EXOC4: variants seen among roughly 807,000 people sequenced by gnomAD.
The protein encoded by EXOC4 is SEC8-like 1.
EXOC4 carries 71 observed loss-of-function variants against 107.2 expected under a neutral mutation model. The observed-to-expected ratio is 0.66, with a 90% CI of 0.55 to 0.81. EXOC4 has a LOEUF of 0.81. Among genes scored for constraint, EXOC4 ranks in the 30% least tolerant of loss-of-function variants. The probability of loss-of-function intolerance (pLI) is 0.00; values close to 1 mark genes in which losing one functional copy is unlikely to be tolerated. For missense variants in EXOC4, 1,108 were observed against 1,189.6 expected, an observed-to-expected ratio of 0.93 and a Z score of 1.01; for synonymous variants, 456 against 441.2, an observed-to-expected ratio of 1.03 and a Z score of -0.42.
At chr7:134,054,906 T>C (rs1795887235) in intron 17 of EXOC4, among the ~76,000 whole-genome samples, 1 of 152,216 alleles carries the variant, frequency 6.6e-6, no homozygotes, top group Non-Finnish European at 1.5e-5. Context: ...AGCTCCTTTC[T>C]AGTTAGTCTA....
At position 133,666,597 on chromosome 7, in the gene EXOC4, A is replaced by G. The variant is rs150470944; in HGVS notation, c.1514+36456A>G. Among the ~76,000 whole-genome samples, 284 of 152,284 alleles carry G rather than the reference A, an allele frequency of 1.9e-3. 1 individual carries two copies. The highest frequency in any genetic ancestry group is 6.4e-3 in the African/African-American group (265 of 41,568). ...ATGCAGTTTATAAGCAACTAGAACC[A>G]TTACTGTCAGCTTTTTGGTAGCTGG... is the stretch of plus-strand genomic sequence containing the variant. On this transcript the variant is annotated intron_variant, in intron 10 of 17. Coordinates refer to ENST00000253861, the MANE Select transcript of EXOC4 (RefSeq NM_021807.4).
At chr7:133,376,410 A>C (rs564576951) in intron 7 of EXOC4, among the ~76,000 whole-genome samples, 2 of 152,340 alleles carry the variant, frequency 1.3e-5, no homozygotes, top group South Asian at 4.1e-4. Context: ...TTAAGTATGA[A>C]ATAATAGATT....
At chr7:134,094,220 A>G in the EXOC4 span, among the ~76,000 whole-genome samples, 1 of 152,168 alleles carries the variant, frequency 6.6e-6, no homozygotes. Context: ...ATCAGAAATG[A>G]CAAAGATGAC....
At chr7:133,663,604 A>G (rs1286770983) in intron 10 of EXOC4, among the ~76,000 whole-genome samples, 1 of 152,138 alleles carries the variant, frequency 6.6e-6, no homozygotes, top group Non-Finnish European at 1.5e-5. Flanking sequence ...CCATCCTTCC[A>G]GTTGCCCAGA....
chr7:133,480,239 A>G (rs550136250), intron 9 of EXOC4, 101 bp downstream of exon 9: 7 of 1,546,006 alleles, frequency 4.5e-6, no homozygotes, highest in Middle Eastern at 2.3e-4. Context: ...CTTTCAAGGT[A>G]ACAAACACTT....
At chr7:133,964,328 T>C (rs1421874271) in intron 14 of EXOC4, among the ~76,000 whole-genome samples, 9 of 152,190 alleles carry the variant, frequency 5.9e-5, no homozygotes, top group Non-Finnish European at 8.8e-5. Context: ...GAGTTTTTTT[T>C]TTCTTCTTCT....
At chr7:133,776,559 G>T (rs1020752946) in intron 10 of EXOC4, among the ~76,000 whole-genome samples, 1 of 152,168 alleles carries the variant, frequency 6.6e-6, no homozygotes, top group Non-Finnish European at 1.5e-5. Flanking sequence ...TCCATTGTCA[G>T]TGTGGACACG....
intron 9 of EXOC4, among the ~76,000 whole-genome samples, chr7:133,532,825 A>G (rs1367205870): frequency 6.6e-6 from 1 of 152,174 alleles, no homozygotes; most frequent in Non-Finnish European, 1.5e-5. Flanking sequence ...ATTCTAATAA[A>G]GGATAATTTA....
chr7:133,475,130 A>G (rs897404051), intron 7 of EXOC4, among the ~76,000 whole-genome samples, 198 bp from the exon 8 acceptor site: 15 of 152,286 alleles, frequency 9.8e-5, no homozygotes, highest in African/African-American at 2.9e-4. Flanking sequence ...CCTCTTCCCC[A>G]TGAATAGGAA....
At chr7:133,270,820 G>T (rs1793851107) in intron 1 of EXOC4, among the ~76,000 whole-genome samples, 1 of 152,072 alleles carries the variant, frequency 6.6e-6, no homozygotes, top group South Asian at 2.1e-4. Flanking sequence ...TATCTGTTCA[G>T]GTTAAGGGAC....
rs149904766 is a variant in EXOC4 at position 133,374,874 on chromosome 7, G to A, written c.1054G>A (p.Val352Ile). Reference sequence around the variant, plus strand: ...GTTACTGTTTGACAAGTTTAATGCTGTAGCCGCTGCACACTCTGTGGTCCT... The same window carrying A: ...GTTACTGTTTGACAAGTTTAATGCTATAGCCGCTGCACACTCTGTGGTCCT... ...LELLFDKFNAVAAAHSVVLGY... is the reference protein window; with the variant it reads ...LELLFDKFNAIAAAHSVVLGY... Residue 352 changes from valine to isoleucine, a missense_variant, in exon 7 of 18, where the codon GTA (valine) becomes ATA (isoleucine). Transcript: ENST00000253861. 1.7e-5 allele frequency: 27 copies of A among 1,613,814 alleles called. No homozygotes were observed. Among genetic ancestry groups the A allele is most frequent in the African/African-American group, 4.0e-5 (3 of 74,922 alleles).
intron 9 of EXOC4, among the ~76,000 whole-genome samples, chr7:133,560,272 GATTTT>G (rs753557555): frequency 1.3e-5 from 2 of 151,908 alleles, no homozygotes; most frequent in East Asian, 1.9e-4. Flanking sequence ...CTTATTTTGA[GATTTT>G]ATTTTATTTT....
At chr7:134,091,895 T>C in the EXOC4 span, among the ~76,000 whole-genome samples, 1 of 152,162 alleles carries the variant, frequency 6.6e-6, no homozygotes, top group Non-Finnish European at 1.5e-5. Flanking sequence ...AAATCCCCAG[T>C]ACTTTATAGA....
chr7:133,711,447 T>C (rs1794891165), intron 10 of EXOC4, among the ~76,000 whole-genome samples: 1 of 152,214 alleles, frequency 6.6e-6, no homozygotes, highest in Admixed American at 6.5e-5. Flanking sequence ...CGATCACTTT[T>C]GAGTGTCTCA....
At chr7:133,481,508 C>T (rs1799157100) in intron 9 of EXOC4, among the ~76,000 whole-genome samples, 1 of 152,134 alleles carries the variant, frequency 6.6e-6, no homozygotes, top group Non-Finnish European at 1.5e-5. Context: ...ACCACTCAAC[C>T]TTTCTTGATT....
chr7:133,310,702 T>C (rs185261436), intron 4 of EXOC4, among the ~76,000 whole-genome samples: 21 of 152,274 alleles, frequency 1.4e-4, no homozygotes, highest in Admixed American at 2.0e-4. Flanking sequence ...ATGCCCACAA[T>C]AGCTGGATTT....
intron 10 of EXOC4, chr7:133,727,379 G>A: frequency 6.3e-6 from 1 of 159,688 alleles, no homozygotes. Context: ...CCACCTGCTG[G>A]GACACCACCT....
At chr7:133,540,010 T>G (rs1800348716) in intron 9 of EXOC4, among the ~76,000 whole-genome samples, 1 of 152,052 alleles carries the variant, frequency 6.6e-6, no homozygotes, top group Middle Eastern at 3.2e-3. Context: ...ATTCTGTAAT[T>G]CAGGTGTGAA....
chr7:133,573,599 C>T (rs1050952275), intron 9 of EXOC4, among the ~76,000 whole-genome samples: 3 of 152,080 alleles, frequency 2.0e-5, no homozygotes, highest in Non-Finnish European at 4.4e-5. Context: ...TTTACAGTCA[C>T]GTCTTCTTTC....
Sources: allele counts gnomAD v4.1 joint callset (sites outside exome capture counted in the v4.1 genomes callset), GRCh38; gene constraint gnomAD v4.1.1; transcripts MANE v1.5; gene names NCBI Gene and HGNC (gene_info 2026-07-23, HGNC 2026-07-21).